PLXDC2: variants seen among roughly 807,000 people sequenced by gnomAD.
PLXDC2 encodes the protein plexin domain-containing protein 2.
A neutral mutation model predicts 68.9 loss-of-function variants in PLXDC2; 40 were observed. The ratio of observed to expected loss-of-function variants is 0.58; its 90% CI spans 0.45 to 0.76. PLXDC2 has a LOEUF of 0.76. Among genes scored for constraint, PLXDC2 ranks in the 30% least tolerant of loss-of-function variants. The pLI is 0.00. For missense variants in PLXDC2, 644 were observed against 661.9 expected, an observed-to-expected ratio of 0.97 and a Z score of 0.30; for synonymous variants, 243 against 234.2, an observed-to-expected ratio of 1.04 and a Z score of -0.34.
At chr10:19,955,039 T>C (rs967594120) in intron 1 of PLXDC2, among the ~76,000 whole-genome samples, 1 of 151,708 alleles carries the variant, frequency 6.6e-6, no homozygotes, top group Non-Finnish European at 1.5e-5. Context: ...GCCTTCCTTG[T>C]TGCCTATAGT....
At chr10:20,189,430 A>G (rs1203152392) in intron 9 of PLXDC2, among the ~76,000 whole-genome samples, 3 of 146,430 alleles carry the variant, frequency 2.0e-5, no homozygotes, top group Non-Finnish European at 4.5e-5. Flanking sequence ...TGTATAATAA[A>G]ACCATCGATA....
intron 4 of PLXDC2, among the ~76,000 whole-genome samples, chr10:20,084,287 G>T (rs1282930710): frequency 6.6e-6 from 1 of 152,140 alleles, no homozygotes; most frequent in Non-Finnish European, 1.5e-5. Context: ...GTCAAATTTT[G>T]GAAATAGAGC....
Position 20,279,708 on chromosome 10 carries a change from C to A in PLXDC2, c.1479C>A (p.Arg493=), listed in dbSNP as rs1356726981. The A allele has an allele frequency of 6.2e-7, 1 of 1,613,640 alleles. No homozygotes were observed. Among genetic ancestry groups the A allele is most frequent in the Non-Finnish European group, 8.5e-7 (1 of 1,179,746 alleles). The change falls in exon 14 of 14, where the codon CGC becomes CGA. Residue 493 remains arginine (R), a synonymous_variant. Transcript: ENST00000377252. ...SAASIFFIER[R]PSRWPAMKFR... Reference sequence around the variant, plus strand: ...TTTTGTGTTTTCTGTTTCAGAGACGCCCAAGCAGATGGCCTGCGATGAAGT... The same window carrying A: ...TTTTGTGTTTTCTGTTTCAGAGACGACCAAGCAGATGGCCTGCGATGAAGT...
At chr10:19,852,395 C>T (rs932517880) in intron 1 of PLXDC2, among the ~76,000 whole-genome samples, 3 of 124,102 alleles carry the variant, frequency 2.4e-5, no homozygotes, top group African/African-American at 9.2e-5. Context: ...CACTGCACTC[C>T]AGTCTGGGTG....
chr10:19,834,974 AG>A (rs1223664574), intron 1 of PLXDC2, among the ~76,000 whole-genome samples: 1 of 152,038 alleles, frequency 6.6e-6, no homozygotes, highest in East Asian at 1.9e-4. Flanking sequence ...AAGGCTTCCT[AG>A]GGAGGTATGT....
intron 1 of PLXDC2, among the ~76,000 whole-genome samples, chr10:19,837,409 AGTGT>A (rs3043789): frequency 0.11 from 9,246 of 82,030 alleles, 647 homozygotes; most frequent in African/African-American, 0.27. Flanking sequence ...AGAGAGAGAG[AGTGT>A]GTGTGTGTGT....
At chr10:19,950,744 T>C (rs1833978259) in intron 1 of PLXDC2, among the ~76,000 whole-genome samples, 1 of 152,084 alleles carries the variant, frequency 6.6e-6, no homozygotes, top group Non-Finnish European at 1.5e-5. Context: ...TTACTTGACT[T>C]CAAACATAGT....
intron 1 of PLXDC2, among the ~76,000 whole-genome samples, chr10:19,877,645 C>T (rs1180950173): frequency 1.3e-5 from 2 of 152,240 alleles, no homozygotes; most frequent in Non-Finnish European, 2.9e-5. Context: ...CCTAGTGGAT[C>T]GATGAAGTAG....
intron 1 of PLXDC2, among the ~76,000 whole-genome samples, chr10:19,930,995 G>C (rs1333521486): frequency 6.6e-6 from 1 of 152,082 alleles, no homozygotes; most frequent in African/African-American, 2.4e-5. Flanking sequence ...GAGAAAGAAA[G>C]TGGAGAGAAA....
intron 1 of PLXDC2, among the ~76,000 whole-genome samples, chr10:19,817,485 T>G (rs1253730563): frequency 6.6e-6 from 1 of 152,132 alleles, no homozygotes; most frequent in East Asian, 1.9e-4. Context: ...AGAGCAAAGC[T>G]TCTTCCGTGG....
At chr10:20,031,852 G>C (rs957940045) in intron 2 of PLXDC2, among the ~76,000 whole-genome samples, 1 of 151,642 alleles carries the variant, frequency 6.6e-6, no homozygotes, top group African/African-American at 2.4e-5. Flanking sequence ...TTGAGATGGA[G>C]TCTCACTCTG....
chr10:19,852,407 C>G (rs1201274990), intron 1 of PLXDC2, among the ~76,000 whole-genome samples: 1 of 106,712 alleles, frequency 9.4e-6, no homozygotes, highest in African/African-American at 3.6e-5. Flanking sequence ...GTCTGGGTGA[C>G]AGAGCAAGAC....
chr10:20,007,098 T>C (rs1835038783), intron 2 of PLXDC2, among the ~76,000 whole-genome samples: 1 of 152,230 alleles, frequency 6.6e-6, no homozygotes, highest in African/African-American at 2.4e-5. Context: ...TCAGGCAGGA[T>C]TGGATTCCAT....
chr10:20,206,238 A>G (rs80261185), intron 9 of PLXDC2, among the ~76,000 whole-genome samples: 3,893 of 152,232 alleles, frequency 0.026, 62 homozygotes, highest in Non-Finnish European at 0.032. Flanking sequence ...ACCAAGCCAA[A>G]ATACTAACTC....
intron 13 of PLXDC2, among the ~76,000 whole-genome samples, chr10:20,266,282 C>T (rs72795932): frequency 0.022 from 3,189 of 147,948 alleles, 52 homozygotes; most frequent in Middle Eastern, 0.072. Context: ...AAATTTTGAG[C>T]AAAGTAAAAT....
intron 4 of PLXDC2, among the ~76,000 whole-genome samples, chr10:20,074,374 A>C (rs539094333): frequency 6.6e-6 from 1 of 152,278 alleles, no homozygotes; most frequent in Non-Finnish European, 1.5e-5. Flanking sequence ...AGGCAAAAGT[A>C]AAATGTAAAT....
intron 4 of PLXDC2, among the ~76,000 whole-genome samples, chr10:20,130,519 C>T (rs1200114955): frequency 6.6e-6 from 1 of 152,048 alleles, no homozygotes; most frequent in Non-Finnish European, 1.5e-5. Flanking sequence ...CTGGCTAGAA[C>T]TTCTAATATT....
intron 4 of PLXDC2, among the ~76,000 whole-genome samples, chr10:20,085,793 A>T (rs7073565): frequency 0.27 from 40,727 of 151,994 alleles, 7,393 homozygotes; most frequent in East Asian, 0.61. Flanking sequence ...ACAGAAACAA[A>T]ATGCACTTTA....
intron 7 of PLXDC2, among the ~76,000 whole-genome samples, chr10:20,169,605 A>G (rs573575078): frequency 6.6e-6 from 1 of 152,240 alleles, no homozygotes; most frequent in South Asian, 2.1e-4. Flanking sequence ...AATTTCAATC[A>G]TCATCTGTGG....
Sources: allele counts gnomAD v4.1 joint callset (sites outside exome capture counted in the v4.1 genomes callset), GRCh38; gene constraint gnomAD v4.1.1; transcripts MANE v1.5; gene names NCBI Gene and HGNC (gene_info 2026-07-23, HGNC 2026-07-21).